ETFBKMT: variants seen among roughly 807,000 people sequenced by gnomAD.
The protein encoded by ETFBKMT is electron transfer flavoprotein beta subunit lysine methyltransferase.
In ETFBKMT, 13 loss-of-function variants were observed where a neutral mutation model predicts 18.3. That is an observed-to-expected ratio of 0.71 (90% CI 0.46 to 1.13). The LOEUF (loss-of-function observed/expected upper bound fraction) is 1.13. Among genes scored for constraint, ETFBKMT ranks in the 50% most tolerant of loss-of-function variants. ETFBKMT has a pLI of 0.00. For missense variants in ETFBKMT, 293 were observed against 306.2 expected (o/e 0.96, Z 0.32); for synonymous variants, 84 against 107.9 (o/e 0.78, Z 1.37).
Position 31,669,338 on chromosome 12 carries a change from CAGTT to C in ETFBKMT, c.*1350_*1353del. 6.6e-6 allele frequency: 1 copy of C among 152,346 alleles called. No individual in the cohort carries two copies. The highest frequency in any genetic ancestry group is 1.9e-4 in the East Asian group (1 of 5,188). 9.4% of individuals were successfully genotyped at this position (152,346 alleles called of 1,614,324 possible). ...TATAGTCCTGTGATTAAGTCTCAGT[CAGTT>C]AAGTCAGCCTGTGCCCCTGCTGTGA... On this transcript the variant is annotated 3_prime_UTR_variant, in exon 4 of 4. Coordinates refer to ENST00000357721, the MANE Select transcript of ETFBKMT (RefSeq NM_001135863.2).
intron 2 of ETFBKMT, among the ~76,000 whole-genome samples, chr12:31,664,333 C>G (rs1951166099): frequency 1.3e-5 from 2 of 152,060 alleles, no homozygotes. Context: ...GAAAATCACT[C>G]TATGATGGAG....
chr12:31,664,450 C>A (rs1951167936), intron 2 of ETFBKMT, among the ~76,000 whole-genome samples: 1 of 152,128 alleles, frequency 6.6e-6, no homozygotes, highest in Admixed American at 6.5e-5. Context: ...CTGGAACATA[C>A]TAAGTATTCA....
intron 2 of ETFBKMT, 108 bp downstream of exon 2, chr12:31,662,375 G>A (rs1951136464): frequency 1.0e-6 from 1 of 956,668 alleles, no homozygotes; most frequent in South Asian, 1.6e-5. Context: ...GCTCATGCCT[G>A]TAGTCTCAGT....
intron 1 of ETFBKMT, among the ~76,000 whole-genome samples, chr12:31,650,887 G>A (rs77274983): frequency 3.9e-5 from 6 of 152,256 alleles, no homozygotes; most frequent in Non-Finnish European, 5.9e-5. Flanking sequence ...CTGAGAGGTG[G>A]AAGAAAGAGG....
At chr12:31,660,370 G>T (rs7955365) in intron 1 of ETFBKMT, among the ~76,000 whole-genome samples, 1 of 151,842 alleles carries the variant, frequency 6.6e-6, no homozygotes, top group Non-Finnish European at 1.5e-5. Context: ...CCCCTTGTGG[G>T]GATTTGGATT....
chr12:31,655,074 C>CA (rs36084463), upstream of ETFBKMT, among the ~76,000 whole-genome samples: 102,840 of 147,156 alleles, frequency 0.7, 36,996 homozygotes, highest in East Asian at 0.93. Flanking sequence ...AACAAACAAA[C>CA]AAAAAAACAG....
At chr12:31,658,634 T>C (rs1441160947), upstream of ETFBKMT, among the ~76,000 whole-genome samples, 2 of 152,158 alleles carry the variant, frequency 1.3e-5, no homozygotes, top group Non-Finnish European at 2.9e-5. Flanking sequence ...CAAACTAAAA[T>C]GCAGAAACAC....
At chr12:31,661,737 G>A in intron 1 of ETFBKMT, 104 bp from the exon 2 acceptor site, 1 of 501,874 alleles carries the variant, frequency 2.0e-6, no homozygotes, top group East Asian at 3.7e-5. Flanking sequence ...GGGATTACAG[G>A]CGTGAGCCAC....
chr12:31,660,216 A>G (rs924495134), intron 1 of ETFBKMT: 1 of 145,638 alleles, frequency 6.9e-6, no homozygotes, highest in Non-Finnish European at 1.5e-5. Flanking sequence ...CAATATCTAG[A>G]TTTTTTTGAT....
At chr12:31,661,814 C>T (rs1294860438) in intron 1 of ETFBKMT, 27 bp from the exon 2 acceptor site, 6 of 760,404 alleles carry the variant, frequency 7.9e-6, no homozygotes, top group Non-Finnish European at 1.3e-5. Flanking sequence ...TCAGAATTCT[C>T]AGTATTACTT....
intron 1 of ETFBKMT, among the ~76,000 whole-genome samples, chr12:31,652,015 CA>C (rs1178388879): frequency 6.6e-6 from 1 of 152,128 alleles, no homozygotes; most frequent in Non-Finnish European, 1.5e-5. Context: ...CTGTAAGGAG[CA>C]GACAAGATGG....
intron 3 of ETFBKMT, 139 bp downstream of exon 3, chr12:31,666,356 AT>A (rs1951196547): frequency 1.1e-6 from 1 of 917,586 alleles, no homozygotes; most frequent in African/African-American, 1.7e-5. Flanking sequence ...GCACTGGGAC[AT>A]TATCTGTAGG....
At chr12:31,657,864 A>G (rs1366879933), upstream of ETFBKMT, among the ~76,000 whole-genome samples, 2 of 151,974 alleles carry the variant, frequency 1.3e-5, no homozygotes, top group African/African-American at 4.8e-5. Context: ...ATAGGAACCC[A>G]GGCAAGCCAT....
intron 2 of ETFBKMT, among the ~76,000 whole-genome samples, chr12:31,664,913 C>T (rs1304042083): frequency 6.8e-6 from 1 of 147,968 alleles, no homozygotes; most frequent in East Asian, 2.0e-4. Context: ...CACACCTGGC[C>T]ATTTATACAT....
In ETFBKMT at chr12:31,671,809, G is replaced by T. The variant is rs529881821; in HGVS notation, c.*3819G>T. On this transcript the variant is annotated 3_prime_UTR_variant, in exon 4 of 4. Transcript: ENST00000357721. ...AATTCTTTGAAGAATTAACAGGCTT[G>T]ATGTTCAGGTCTGCTTTTGGCAAAT... is the stretch of plus-strand genomic sequence containing the variant. 1 of 152,780 alleles carries T rather than the reference G, an allele frequency of 6.5e-6. No homozygotes were observed. Among genetic ancestry groups the T allele is most frequent in the Admixed American group, 6.5e-5 (1 of 15,344 alleles). The allele number at this position is 152,780 out of a possible 1,614,324, so 9.5% of individuals were successfully genotyped here.
chr12:31,649,172 AGTT>A (rs1236800948), intron 1 of ETFBKMT, among the ~76,000 whole-genome samples: 1 of 152,188 alleles, frequency 6.6e-6, no homozygotes, highest in Non-Finnish European at 1.5e-5. Context: ...GGCTGGAGAT[AGTT>A]GTTATATTTT....
rs897262842 is a variant in ETFBKMT, at chr12:31,669,049, CATG to C, written c.*1063_*1065del. 2.0e-5 allele frequency: 3 copies of C among 152,116 alleles called. No homozygotes were observed. Among genetic ancestry groups the C allele is most frequent in the Non-Finnish European group, 4.4e-5 (3 of 68,046 alleles). 9.4% of individuals were successfully genotyped at this position (152,116 alleles called of 1,614,324 possible). ...TTGTAATTTTTTGTTGATAGCTAGA[CATG>C]ATGTATTGCATAAATAAACAAGTAA... is the stretch of plus-strand genomic sequence containing the variant. On this transcript the variant is annotated 3_prime_UTR_variant, in exon 4 of 4. Coordinates refer to ENST00000357721, the MANE Select transcript of ETFBKMT (RefSeq NM_001135863.2).
Position 31,673,064 on chromosome 12 carries a change from G to C in ETFBKMT, c.*5074G>C, listed in dbSNP as rs1022499771. 6.6e-6 allele frequency: 1 copy of C among 152,012 alleles called. No individual in the cohort carries two copies. The highest frequency in any genetic ancestry group is 2.4e-5 in the African/African-American group (1 of 41,394). The allele number at this position is 152,012 out of a possible 1,614,324, so 9.4% of individuals were successfully genotyped here. ...TGATTTTGATATGGTTTCCATCCTA[G>C]TTTTAGGATGTCTTTTAAAAATCTG... On this transcript the variant is annotated 3_prime_UTR_variant, in exon 4 of 4. Coordinates refer to ENST00000357721, the MANE Select transcript of ETFBKMT (RefSeq NM_001135863.2).
At chr12:31,661,080 G>C (rs533131710) in intron 1 of ETFBKMT, 1 of 152,096 alleles carries the variant, frequency 6.6e-6, no homozygotes, top group Non-Finnish European at 1.5e-5. Context: ...TAGCATTTAC[G>C]TTGTATTAAG....
Sources: allele counts gnomAD v4.1 joint callset (sites outside exome capture counted in the v4.1 genomes callset), GRCh38; gene constraint gnomAD v4.1.1; transcripts MANE v1.5; gene names NCBI Gene and HGNC (gene_info 2026-07-23, HGNC 2026-07-21).